Variants in SLC35F4 observed in about 807,000 individuals in gnomAD.
The protein encoded by SLC35F4 is solute carrier family 35 member F4.
In SLC35F4, 24 loss-of-function variants were observed where a neutral mutation model predicts 44.2. That is an observed-to-expected ratio of 0.54 (90% CI 0.39 to 0.76). SLC35F4 has a LOEUF of 0.76. Ranked by LOEUF, SLC35F4 falls within the 30% of genes least tolerant of loss-of-function variation. The pLI is 0.00. For synonymous variants in SLC35F4, 238 were observed against 223.6 expected (o/e 1.06, Z -0.57); for missense variants, 562 against 586.1 (o/e 0.96, Z 0.42).
intron 1 of SLC35F4, among the ~76,000 whole-genome samples, chr14:57,671,658 G>A (rs57318951): frequency 0.086 from 13,117 of 151,920 alleles, 644 homozygotes; most frequent in African/African-American, 0.1. Flanking sequence ...TACATAACCA[G>A]CGGTGGTGGC....
At chr14:57,921,302 G>C (rs1222895592) in intron 1 of SLC35F4, among the ~76,000 whole-genome samples, 1 of 152,216 alleles carries the variant, frequency 6.6e-6, no homozygotes, top group Admixed American at 6.5e-5. Context: ...GGCAGGGCAG[G>C]TGTAGTATCA....
At chr14:57,730,403 CT>C (rs55694938) in intron 1 of SLC35F4, among the ~76,000 whole-genome samples, 130,917 of 150,418 alleles carry the variant, frequency 0.87, 58,118 homozygotes, top group Non-Finnish European at 0.97. Flanking sequence ...CGATGTTGAA[CT>C]TTTTTTTTTT....
intron 1 of SLC35F4, among the ~76,000 whole-genome samples, chr14:57,650,547 GT>G (rs1390450976): frequency 6.6e-6 from 1 of 151,970 alleles, no homozygotes; most frequent in African/African-American, 2.4e-5. Context: ...TCATACCTCT[GT>G]CATGTCCAGC....
chr14:57,925,642 T>TA (rs1205373687), intron 1 of SLC35F4, among the ~76,000 whole-genome samples: 1 of 57,542 alleles, frequency 1.7e-5, no homozygotes, highest in Non-Finnish European at 3.8e-5. Context: ...TTGAAGGAGC[T>TA]TTTTTTTTTT....
chr14:57,897,408 C>G lies in SLC35F4; in HGVS notation n.282+84505G>C, dbSNP rs540935585. On this transcript the variant is annotated intron_variant and non_coding_transcript_variant, in intron 1 of 1. Transcript: ENST00000556568. ...CACTGTGGTCATAAAACAAGAAGAACCAAAAAAGGATTTAGGGCAAGTACA... is the reference window on the plus strand; with the variant it reads ...CACTGTGGTCATAAAACAAGAAGAAGCAAAAAAGGATTTAGGGCAAGTACA... 4.0e-5 allele frequency among the ~76,000 whole-genome samples: 6 copies of G among 151,894 alleles called. No individual in the cohort carries two copies. The South Asian group carries it at 8.3e-4, about 21-fold the overall frequency.
chr14:57,685,601 C>T (rs1237267927), intron 1 of SLC35F4, among the ~76,000 whole-genome samples: 1 of 152,156 alleles, frequency 6.6e-6, no homozygotes, highest in Non-Finnish European at 1.5e-5. Context: ...TGATGTGCTT[C>T]TTTACAGTCC....
chr14:57,960,498 C>A (rs1350062570), intron 1 of SLC35F4, among the ~76,000 whole-genome samples: 7 of 152,126 alleles, frequency 4.6e-5, no homozygotes, highest in African/African-American at 1.7e-4. Flanking sequence ...TCTACCTGGA[C>A]AAGGAGAGAG....
At chr14:57,716,256 A>G (rs1389793212) in intron 1 of SLC35F4, among the ~76,000 whole-genome samples, 1 of 151,942 alleles carries the variant, frequency 6.6e-6, no homozygotes. Flanking sequence ...TCCTATCTTA[A>G]CAAGTAGTTT....
intron 1 of SLC35F4, among the ~76,000 whole-genome samples, chr14:57,697,006 C>T (rs2075403422): frequency 6.6e-6 from 1 of 152,162 alleles, no homozygotes; most frequent in African/African-American, 2.4e-5. Flanking sequence ...TTGATAGGTG[C>T]AGCAAACTAC....
intron 1 of SLC35F4, among the ~76,000 whole-genome samples, chr14:57,737,569 T>A (rs1465415823): frequency 6.6e-6 from 1 of 151,970 alleles, no homozygotes; most frequent in Non-Finnish European, 1.5e-5. Flanking sequence ...CTGTCAGAGG[T>A]TAAATGTATA....
At chr14:57,791,245 G>A (rs2140804460) in intron 1 of SLC35F4, among the ~76,000 whole-genome samples, 1 of 152,094 alleles carries the variant, frequency 6.6e-6, no homozygotes, top group Non-Finnish European at 1.5e-5. Flanking sequence ...TCTGACAAAG[G>A]TCTAATATCC....
intron 1 of SLC35F4, among the ~76,000 whole-genome samples, chr14:57,657,934 T>C (rs2140226096): frequency 6.6e-6 from 1 of 152,318 alleles, no homozygotes. Context: ...AGGAAGTTAT[T>C]TAACCTCTCT....
chr14:57,806,764 G>A (rs563098341), intron 1 of SLC35F4, among the ~76,000 whole-genome samples: 1 of 152,288 alleles, frequency 6.6e-6, no homozygotes, highest in Non-Finnish European at 1.5e-5. Context: ...TTACCACTGG[G>A]TTGTGTGGAG....
At chr14:57,981,705 C>T (rs1191636403) in intron 1 of SLC35F4, among the ~76,000 whole-genome samples, 1 of 151,924 alleles carries the variant, frequency 6.6e-6, no homozygotes. Flanking sequence ...ATTCCTAACC[C>T]CAAAGGAATA....
intron 1 of SLC35F4, among the ~76,000 whole-genome samples, chr14:57,659,058 A>T (rs531784812): frequency 6.6e-6 from 1 of 152,202 alleles, no homozygotes; most frequent in African/African-American, 2.4e-5. Flanking sequence ...AAGCCAAGAC[A>T]CTATCCCTAG....
intron 1 of SLC35F4, among the ~76,000 whole-genome samples, chr14:57,893,364 C>A (rs1018536186): frequency 6.6e-6 from 1 of 152,132 alleles, no homozygotes; most frequent in African/African-American, 2.4e-5. Flanking sequence ...TTTAACTTGA[C>A]AATTGTTCTT....
At chr14:57,865,570 C>CA (rs1299261814) in intron 1 of SLC35F4, among the ~76,000 whole-genome samples, 153 bp downstream of exon 1, 2 of 152,132 alleles carry the variant, frequency 1.3e-5, no homozygotes, top group Non-Finnish European at 2.9e-5. Flanking sequence ...CTTTTCTCCC[C>CA]GGGGGGTCCC....
intron 1 of SLC35F4, among the ~76,000 whole-genome samples, chr14:57,785,862 G>A (rs113678287): frequency 7.4e-4 from 113 of 152,280 alleles, no homozygotes; most frequent in African/African-American, 2.4e-3. Context: ...TCTGCAGGGA[G>A]AAGGAATTCT....
At chr14:57,841,823 C>T (rs1306334206) in intron 1 of SLC35F4, among the ~76,000 whole-genome samples, 1 of 150,196 alleles carries the variant, frequency 6.7e-6, no homozygotes, top group Admixed American at 6.6e-5. Flanking sequence ...TGACTCTACC[C>T]AAACAAAAAA....
Sources: gnomAD v4.1 joint callset for allele counts (sites outside exome capture counted in the v4.1 genomes callset) on GRCh38, gnomAD v4.1.1 for gene constraint, MANE v1.5 for transcripts, NCBI Gene and HGNC (gene_info 2026-07-23, HGNC 2026-07-21) for gene names.